The following PAPPA2 variants were observed in gnomAD, a reference collection of about 807,000 sequenced individuals.
PAPPA2 encodes pappalysin-2.
A neutral mutation model predicts 176.4 loss-of-function variants in PAPPA2; 86 were observed. The ratio of observed to expected loss-of-function variants is 0.49; its 90% confidence interval spans 0.41 to 0.58. The LOEUF (loss-of-function observed/expected upper bound fraction) is 0.58, where lower values mean the gene tolerates loss of function less well. Ranked by LOEUF, PAPPA2 falls within the 20% of genes least tolerant of loss-of-function variation. PAPPA2 has a pLI of 0.00. For synonymous variants in PAPPA2, 809 were observed against 852.2 expected, an observed-to-expected ratio of 0.95 and a Z score of 0.88; for missense variants, 2,073 against 2,256.9, an observed-to-expected ratio of 0.92 and a Z score of 1.65.
intron 21 of PAPPA2, among the ~76,000 whole-genome samples, chr1:176,837,777 T>C (rs1345540796): frequency 6.6e-6 from 1 of 152,218 alleles, no homozygotes; most frequent in Non-Finnish European, 1.5e-5. Flanking sequence ...TTATTGAAAT[T>C]AAAATTTTCT....
intron 1 of PAPPA2, among the ~76,000 whole-genome samples, chr1:176,528,380 A>C (rs1649608982): frequency 6.6e-6 from 1 of 152,178 alleles, no homozygotes; most frequent in South Asian, 2.1e-4. Flanking sequence ...ATTTAATTTG[A>C]CTTGAAGAAA....
chr1:176,488,718 A>T (rs1454957266), intron 1 of PAPPA2, among the ~76,000 whole-genome samples: 1 of 152,132 alleles, frequency 6.6e-6, no homozygotes, highest in Non-Finnish European at 1.5e-5. Context: ...GGCTTGAGAG[A>T]AGTTCAGTAT....
At chr1:176,504,948 A>G (rs1210688874) in intron 1 of PAPPA2, among the ~76,000 whole-genome samples, 1 of 152,124 alleles carries the variant, frequency 6.6e-6, no homozygotes, top group Non-Finnish European at 1.5e-5. Flanking sequence ...AATAAAACGT[A>G]GTTATCTTAA....
chr1:176,672,366 A>T (rs572580615), intron 4 of PAPPA2, among the ~76,000 whole-genome samples: 1 of 152,274 alleles, frequency 6.6e-6, no homozygotes, highest in South Asian at 2.1e-4. Context: ...AAGGTACTGC[A>T]AAGTTGGTCT....
chr1:176,663,453 G>T (rs1408433175), intron 3 of PAPPA2, among the ~76,000 whole-genome samples: 1 of 152,002 alleles, frequency 6.6e-6, no homozygotes, highest in Non-Finnish European at 1.5e-5. Flanking sequence ...GTAGAGATTT[G>T]AAGCCATAGG....
At chr1:176,707,963 C>A (rs1302203938) in intron 10 of PAPPA2, among the ~76,000 whole-genome samples, 1 of 152,156 alleles carries the variant, frequency 6.6e-6, no homozygotes, top group Non-Finnish European at 1.5e-5. Context: ...AGAAGGGAAT[C>A]CAATACTCCA....
rs369411532 is a variant in PAPPA2 at position 176,467,494 on chromosome 1, A to C, written c.-917+4076A>C. Among the ~76,000 whole-genome samples the C allele has an allele frequency of 2.6e-5, 4 of 152,322 alleles. No individual in the cohort carries two copies. The East Asian group carries it at 5.8e-4, about 22-fold the overall frequency. ...CTGAACTTTGAGAAGCTGCTTTCAC[A>C]TTAGGAAGACTCTATGTAACAAGGA... On this transcript the variant is annotated intron_variant, in intron 1 of 22. Coordinates refer to ENST00000367662, the MANE Select transcript of PAPPA2 (RefSeq NM_020318.3).
intron 2 of PAPPA2, among the ~76,000 whole-genome samples, chr1:176,571,871 G>A (rs1201511542): frequency 1.3e-5 from 2 of 152,202 alleles, no homozygotes; most frequent in Non-Finnish European, 1.5e-5. Flanking sequence ...TAACTTATGG[G>A]TTCAGCCCAA....
At position 176,692,073 on chromosome 1, in the gene PAPPA2, G is replaced by T. The variant is rs1573262185; in HGVS notation, c.2432-53G>T. The T allele has an allele frequency of 2.6e-6, 4 of 1,513,044 alleles. No individual in the cohort carries two copies. In the South Asian group the frequency reaches 4.8e-5, roughly 18 times the overall value. 93.7% of individuals were successfully genotyped at this position (1,513,044 alleles called of 1,614,324 possible). A position where few individuals can be genotyped will look rare whatever the true frequency, so the allele number is the denominator to read the frequency against. ...ACACAAATTTATCCCTGCCTTGGTGGACTTGATGGGTTAAAATCTCCATCT... is the reference window on the plus strand; with the variant it reads ...ACACAAATTTATCCCTGCCTTGGTGTACTTGATGGGTTAAAATCTCCATCT... On this transcript the variant is annotated intron_variant, in intron 5 of 22. Coordinates refer to ENST00000367662, the MANE Select transcript of PAPPA2 (RefSeq NM_020318.3).
intron 3 of PAPPA2, among the ~76,000 whole-genome samples, chr1:176,668,734 C>T (rs1658808937): frequency 6.6e-6 from 1 of 152,144 alleles, no homozygotes; most frequent in African/African-American, 2.4e-5. Context: ...AGGGTTTCTT[C>T]TATCAATTCA....
intron 21 of PAPPA2, among the ~76,000 whole-genome samples, chr1:176,836,136 G>A (rs61821309): frequency 0.072 from 11,012 of 152,206 alleles, 437 homozygotes; most frequent in Non-Finnish European, 0.086. Context: ...TTCATCAGGC[G>A]CTGCACCATG....
At position 176,845,572 on chromosome 1, in the gene PAPPA2, T is replaced by G. The variant is rs2102997732; in HGVS notation, c.*3118T>G. The G allele has an allele frequency of 6.6e-6, 1 of 152,338 alleles. No individual in the cohort carries two copies. The highest frequency in any genetic ancestry group is 2.4e-5 in the African/African-American group (1 of 41,584). 9.4% of individuals were successfully genotyped at this position (152,338 alleles called of 1,614,324 possible). The stretch of plus-strand genomic sequence containing the variant: ...GCCAGTTATTTTGTAAGATTATAAG[T>G]TGTTCATTAAAAAATCAGCACACAA... On this transcript the variant is annotated 3_prime_UTR_variant, in exon 23 of 23. Transcript: ENST00000367662.
rs567208244 is a variant in PAPPA2, at chr1:176,842,435, A to G, written c.5357A>G (p.Lys1786Arg). 2.6e-5 allele frequency: 42 copies of G among 1,613,282 alleles called. No individual in the cohort carries two copies. The South Asian group carries it at 4.2e-4, about 16-fold the overall frequency. The change falls in exon 23 of 23, where the codon AAG becomes AGG. Residue 1786 changes from lysine (K) to arginine (R), a missense_variant. Lys to Arg is a conservative substitution (Grantham distance 26, BLOSUM62 2). Coordinates refer to ENST00000367662, the MANE Select transcript of PAPPA2 (RefSeq NM_020318.3). Reference protein sequence around the residue: ...DLDECTCRDPKAEENQ With the variant: ...DLDECTCRDPRAEENQ ...GATGAGTGCACCTGCCGGGACCCCA[A>G]GGCAGAAGAAAATCAGTAACTGTGG...
intron 2 of PAPPA2, among the ~76,000 whole-genome samples, chr1:176,577,827 A>G (rs911543869): frequency 6.6e-6 from 1 of 152,120 alleles, no homozygotes; most frequent in Non-Finnish European, 1.5e-5. Context: ...ATTTATGGTC[A>G]TGACCTAACC....
chr1:176,749,650 A>G (rs998466881), intron 14 of PAPPA2, among the ~76,000 whole-genome samples: 1 of 152,096 alleles, frequency 6.6e-6, no homozygotes, highest in African/African-American at 2.4e-5. Flanking sequence ...AACCATTAAT[A>G]TTTTTACCAT....
chr1:176,763,490 C>A (rs995962378), intron 14 of PAPPA2, among the ~76,000 whole-genome samples: 1 of 152,196 alleles, frequency 6.6e-6, no homozygotes. Flanking sequence ...TAACAAATTT[C>A]TCACTTTGAT....
intron 6 of PAPPA2, among the ~76,000 whole-genome samples, chr1:176,695,021 GT>G (rs1288080184): frequency 6.6e-6 from 1 of 152,194 alleles, no homozygotes; most frequent in Non-Finnish European, 1.5e-5. Flanking sequence ...TTCTTGATGG[GT>G]AAGTAGGAGT....
chr1:176,768,544 A>G (rs1329205415), intron 15 of PAPPA2, among the ~76,000 whole-genome samples: 1 of 151,970 alleles, frequency 6.6e-6, no homozygotes, highest in East Asian at 1.9e-4. Context: ...TAGCTCTAAC[A>G]TTTCCTTCTT....
At chr1:176,539,207 C>T (rs1650238042) in intron 1 of PAPPA2, among the ~76,000 whole-genome samples, 1 of 152,140 alleles carries the variant, frequency 6.6e-6, no homozygotes, top group African/African-American at 2.4e-5. Context: ...ACTCAGGAGT[C>T]GCTCCAATTT....
Sources: gnomAD v4.1 joint callset for allele counts (sites outside exome capture counted in the v4.1 genomes callset) on GRCh38, gnomAD v4.1.1 for gene constraint, MANE v1.5 for transcripts, NCBI Gene and HGNC (gene_info 2026-07-23, HGNC 2026-07-21) for gene names.